Variants in TAFA2 observed in about 807,000 individuals in gnomAD.
TAFA2 encodes the protein chemokine-like protein TAFA-2.
A neutral mutation model predicts 18.8 loss-of-function variants in TAFA2; 7 were observed. The ratio of observed to expected loss-of-function variants is 0.37; its 90% CI spans 0.21 to 0.70. TAFA2 has a LOEUF of 0.70. Ranked by LOEUF, TAFA2 falls within the 30% of genes least tolerant of loss-of-function variation. The pLI, the probability that TAFA2 is intolerant of heterozygous loss-of-function variation, is 0.53. For synonymous variants in TAFA2, 60 were observed against 54.2 expected (o/e 1.11, Z -0.47); for missense variants, 122 against 158.1 (o/e 0.77, Z 1.23).
At chr12:61,820,554 G>A (rs1397593619) in intron 2 of TAFA2, among the ~76,000 whole-genome samples, 2 of 150,458 alleles carry the variant, frequency 1.3e-5, no homozygotes, top group Non-Finnish European at 1.5e-5. Flanking sequence ...GAAGGAGAAA[G>A]AAAGGAAGGA....
intron 1 of TAFA2, among the ~76,000 whole-genome samples, chr12:61,942,360 G>C (rs2121424702): frequency 6.6e-6 from 1 of 150,612 alleles, no homozygotes; most frequent in South Asian, 2.1e-4. Flanking sequence ...GGAAAAAACA[G>C]AACAGAAAAA....
At chr12:61,740,052 C>T (rs938610601) in intron 4 of TAFA2, among the ~76,000 whole-genome samples, 3 of 152,050 alleles carry the variant, frequency 2.0e-5, no homozygotes, top group Non-Finnish European at 2.9e-5. Context: ...TGCAAGCATT[C>T]TTTGAAAATA....
chr12:62,010,495 T>C (rs1880700945), intron 1 of TAFA2, among the ~76,000 whole-genome samples: 1 of 152,146 alleles, frequency 6.6e-6, no homozygotes, highest in Admixed American at 6.5e-5. Flanking sequence ...TGGCGTGATC[T>C]CAGCTCGCTG....
At chr12:61,990,145 T>C (rs1879952069) in intron 1 of TAFA2, among the ~76,000 whole-genome samples, 1 of 151,880 alleles carries the variant, frequency 6.6e-6, no homozygotes, top group African/African-American at 2.4e-5. Context: ...CCAATGAACT[T>C]AAAAAATAAG....
chr12:61,975,915 A>G (rs900873773), intron 1 of TAFA2, among the ~76,000 whole-genome samples: 2 of 151,784 alleles, frequency 1.3e-5, no homozygotes, highest in African/African-American at 2.4e-5. Context: ...GAGGGACCCT[A>G]GGTGAGGTGA....
intron 2 of TAFA2, among the ~76,000 whole-genome samples, chr12:61,818,124 G>A (rs545258539): frequency 3.3e-5 from 5 of 152,076 alleles, no homozygotes; most frequent in Non-Finnish European, 7.4e-5. Context: ...TCAGCTGATC[G>A]ACTTGGATCA....
intron 1 of TAFA2, among the ~76,000 whole-genome samples, chr12:62,219,273 A>C (rs2062750534): frequency 6.6e-6 from 1 of 152,154 alleles, no homozygotes; most frequent in African/African-American, 2.4e-5. Flanking sequence ...GAGATGAAAA[A>C]TTAGCTTCGG....
chr12:61,768,738 C>A (rs1366447280), intron 2 of TAFA2, among the ~76,000 whole-genome samples: 1 of 151,988 alleles, frequency 6.6e-6, no homozygotes, highest in Non-Finnish European at 1.5e-5. Context: ...GGGAGGTCTG[C>A]CAGTGGAATT....
At chr12:61,999,953 G>C (rs1880325897) in intron 1 of TAFA2, among the ~76,000 whole-genome samples, 1 of 152,116 alleles carries the variant, frequency 6.6e-6, no homozygotes, top group African/African-American at 2.4e-5. Flanking sequence ...TGATATAGGA[G>C]AGCTTTCTCA....
chr12:61,940,212 C>A (rs1877942106), intron 1 of TAFA2, among the ~76,000 whole-genome samples: 1 of 152,150 alleles, frequency 6.6e-6, no homozygotes, highest in Non-Finnish European at 1.5e-5. Context: ...GTAATGTGTG[C>A]AATTGCATAA....
intron 1 of TAFA2, among the ~76,000 whole-genome samples, chr12:62,084,356 T>G (rs1432434954): frequency 6.6e-6 from 1 of 152,262 alleles, no homozygotes; most frequent in East Asian, 1.9e-4. Context: ...CTTCTCTAAT[T>G]ATAATAGTAC....
intron 1 of TAFA2, among the ~76,000 whole-genome samples, chr12:61,900,186 G>T (rs1316897312): frequency 6.6e-6 from 1 of 152,070 alleles, no homozygotes; most frequent in African/African-American, 2.4e-5. Context: ...ATATCTCTTG[G>T]TTCACATGTG....
At chr12:62,059,536 T>G (rs1462191865) in intron 1 of TAFA2, among the ~76,000 whole-genome samples, 3 of 148,392 alleles carry the variant, frequency 2.0e-5, no homozygotes, top group East Asian at 2.0e-4. Flanking sequence ...AGTTTAGCAG[T>G]GGGGCGGGGC....
At chr12:62,044,144 T>TG (rs928650718) in intron 1 of TAFA2, among the ~76,000 whole-genome samples, 3 of 146,584 alleles carry the variant, frequency 2.0e-5, no homozygotes, top group African/African-American at 7.5e-5. Context: ...CAGTGGGTGT[T>TG]AAAAAAAAAA....
At chr12:62,200,937 C>T (rs2062668391) in intron 1 of TAFA2, among the ~76,000 whole-genome samples, 1 of 152,150 alleles carries the variant, frequency 6.6e-6, no homozygotes, top group South Asian at 2.1e-4. Context: ...GTTCGTAGTT[C>T]TCCTTGAAGA....
intron 1 of TAFA2, among the ~76,000 whole-genome samples, chr12:62,014,351 G>A (rs1254642697): frequency 6.6e-6 from 1 of 152,178 alleles, no homozygotes; most frequent in Non-Finnish European, 1.5e-5. Flanking sequence ...TGTTCTGGCT[G>A]TGCGCAGTGA....
intron 1 of TAFA2, among the ~76,000 whole-genome samples, chr12:61,940,785 A>C (rs1333445454): frequency 6.6e-6 from 1 of 152,206 alleles, no homozygotes; most frequent in Non-Finnish European, 1.5e-5. Flanking sequence ...GAATGGAGGA[A>C]GAAGGAGTTA....
chr12:62,253,506 G>A (rs755026393), intron 1 of TAFA2: 1 of 152,166 alleles, frequency 6.6e-6, no homozygotes, highest in Non-Finnish European at 1.5e-5. Context: ...TAAAAATCAA[G>A]GTTTTAGCAA....
At chr12:61,804,306 A>C (rs1871521384) in intron 2 of TAFA2, among the ~76,000 whole-genome samples, 1 of 152,014 alleles carries the variant, frequency 6.6e-6, no homozygotes, top group Non-Finnish European at 1.5e-5. Flanking sequence ...TCTATCTTTA[A>C]ATATATGTCA....
Sources: allele counts gnomAD v4.1 joint callset (sites outside exome capture counted in the v4.1 genomes callset), GRCh38; gene constraint gnomAD v4.1.1; transcripts MANE v1.5; gene names NCBI Gene and HGNC (gene_info 2026-07-23, HGNC 2026-07-21).